COL4A5: variants seen among roughly 807,000 people sequenced by gnomAD.
COL4A5 encodes the protein collagen alpha-5(IV) chain.
A neutral mutation model predicts 130.2 loss-of-function variants in COL4A5; 26 were observed. The ratio of observed to expected loss-of-function variants is 0.20; its 90% CI spans 0.15 to 0.28. The LOEUF (loss-of-function observed/expected upper bound fraction) is 0.28, where lower values mean the gene tolerates loss of function less well. Among genes scored for constraint, COL4A5 ranks in the 10% least tolerant of loss-of-function variants. The pLI is 1.00. For missense variants in COL4A5, 1,131 were observed against 1,344.3 expected (o/e 0.84, Z 2.48); for synonymous variants, 496 against 439.6 (o/e 1.13, Z -1.60).
Position 108,668,301 on chromosome X carries a change from T to A in COL4A5, c.3605-18T>A, listed in dbSNP as rs1360798420. 3.3e-6 allele frequency: 4 copies of A among 1,195,631 alleles called. No homozygotes were observed. The African/African-American group carries it at 7.0e-5, about 21-fold the overall frequency. ...AACTCGGTATTATTTATCTTCTAATTATACTTTACTTTCATAGGCCAAAAG... is the reference window on the plus strand; with the variant it reads ...AACTCGGTATTATTTATCTTCTAATAATACTTTACTTTCATAGGCCAAAAG... On this transcript the variant is annotated intron_variant, in intron 40 of 52. Transcript: ENST00000328300.
At chrX:108,635,480 C>T (rs2067336295) in intron 36 of COL4A5, among the ~76,000 whole-genome samples, 1 of 111,229 alleles carries the variant, frequency 9.0e-6, no homozygotes, top group Admixed American at 9.6e-5. Flanking sequence ...TTGTTCTAAC[C>T]TTCATAACTC....
chrX:108,476,572 A>C (rs1603251524), intron 1 of COL4A5, among the ~76,000 whole-genome samples: 1 of 87,716 alleles, frequency 1.1e-5, no homozygotes, highest in African/African-American at 4.5e-5. Flanking sequence ...CCTCCTCCCT[A>C]CCACAACCTC....
intron 1 of COL4A5, among the ~76,000 whole-genome samples, chrX:108,466,222 ATTTG>A (rs1184715684): frequency 1.6e-4 from 18 of 110,934 alleles, no homozygotes; most frequent in African/African-American, 5.6e-4. Context: ...ATATATATGT[ATTTG>A]TTTGAGTACT....
At chrX:108,542,608 T>C (rs1278168935) in intron 2 of COL4A5, among the ~76,000 whole-genome samples, 1 of 108,715 alleles carries the variant, frequency 9.2e-6, no homozygotes, top group African/African-American at 3.6e-5. Context: ...TTTATAATCC[T>C]TTGGGTATAT....
At chrX:108,686,813 A>C (rs931437274) in intron 48 of COL4A5, among the ~76,000 whole-genome samples, 3 of 112,515 alleles carry the variant, frequency 2.7e-5, no homozygotes, top group African/African-American at 9.7e-5. Context: ...TTTGTATTTC[A>C]AATATCAGTG....
At chrX:108,637,481 C>G (rs1246457513) in intron 36 of COL4A5, among the ~76,000 whole-genome samples, 1 of 110,914 alleles carries the variant, frequency 9.0e-6, no homozygotes, top group Non-Finnish European at 1.9e-5. Context: ...CTAAAAAAAT[C>G]ATAGATGAAG....
intron 19 of COL4A5, among the ~76,000 whole-genome samples, chrX:108,588,567 A>T (rs2066374790): frequency 9.0e-6 from 1 of 110,789 alleles, no homozygotes; most frequent in Admixed American, 9.6e-5. Flanking sequence ...GAGGTCAAGG[A>T]GGAGAGAATG....
At chrX:108,525,512 C>T (rs763679206) in intron 1 of COL4A5, among the ~76,000 whole-genome samples, 7 of 110,570 alleles carry the variant, frequency 6.3e-5, no homozygotes, top group South Asian at 7.7e-4. Context: ...GATTTTTGTC[C>T]GTAATTTCAC....
chrX:108,556,793 T>C (rs1162441531), intron 2 of COL4A5, among the ~76,000 whole-genome samples: 1 of 111,097 alleles, frequency 9.0e-6, no homozygotes, highest in Non-Finnish European at 1.9e-5. Context: ...TTCTATAATT[T>C]CTACTTAGTA....
chrX:108,440,281 G>T (rs964713449), intron 1 of COL4A5, 75 bp downstream of exon 1: 2 of 697,384 alleles, frequency 2.9e-6, no homozygotes, highest in African/African-American at 4.4e-5. Flanking sequence ...TGGGGGGGGG[G>T]TCCCTTTATC....
At chrX:108,677,780 G>A in intron 44 of COL4A5, 147 bp downstream of exon 44, 1 of 707,052 alleles carries the variant, frequency 1.4e-6, no homozygotes, top group Non-Finnish European at 2.1e-6. Flanking sequence ...ACAGTAGAAG[G>A]CAAGTTTCCT....
intron 19 of COL4A5, among the ~76,000 whole-genome samples, chrX:108,587,628 A>G (rs754534766): frequency 1.8e-5 from 2 of 111,732 alleles, no homozygotes; most frequent in East Asian, 5.6e-4. Flanking sequence ...TCTTTTGAAT[A>G]TATACCCAGA....
Position 108,614,972 on chromosome X carries a change from T to A in COL4A5, c.2457T>A (p.Gly819=). 8.3e-7 allele frequency: 1 copy of A among 1,210,942 alleles called. No individual in the cohort carries two copies. The highest frequency in any genetic ancestry group is 1.1e-6 in the Non-Finnish European group (1 of 895,026). Residue 819 remains glycine, a synonymous_variant, in exon 30 of 53, where the codon GGT becomes GGA. Transcript: ENST00000328300. ...PMGPPGLPGI[G]VQGPPGPPGI... is the part of the protein sequence containing the mutation. ...GACCTCCTGGGCTGCCAGGAATAGGTGTTCAGGGACCACCAGGACCACCAG... is the reference window on the plus strand; with the variant it reads ...GACCTCCTGGGCTGCCAGGAATAGGAGTTCAGGGACCACCAGGACCACCAG...
intron 1 of COL4A5, among the ~76,000 whole-genome samples, chrX:108,450,066 G>C (rs1396678039): frequency 9.0e-6 from 1 of 111,537 alleles, no homozygotes. Flanking sequence ...ACCTCAGAGG[G>C]TCCTCAATGT....
Position 108,680,541 on chromosome X carries a change from A to C in COL4A5, c.3943-138A>C, listed in dbSNP as rs1158568747. ...AACTCAATTCACACAAGATAATATAAGGCAAAATTGAGATTACAGTCTTGG... is the reference window on the plus strand; with the variant it reads ...AACTCAATTCACACAAGATAATATACGGCAAAATTGAGATTACAGTCTTGG... On this transcript the variant is annotated intron_variant, in intron 44 of 52. Coordinates refer to ENST00000328300, the MANE Select transcript of COL4A5 (RefSeq NM_033380.3). 9.4e-6 allele frequency: 5 copies of C among 529,108 alleles called. No individual in the cohort carries two copies. The Middle Eastern group carries it at 2.2e-3, about 228-fold the overall frequency. The allele number at this position is 529,108 out of a possible 1,213,427, so 43.6% of individuals were successfully genotyped here.
intron 36 of COL4A5, chrX:108,626,860 G>A (rs2067163082): frequency 6.5e-6 from 5 of 769,711 alleles, no homozygotes; most frequent in South Asian, 6.1e-5. Context: ...TTTAGAATTT[G>A]TTTCAGAATC....
At chrX:108,645,103 T>C (rs751914517) in intron 36 of COL4A5, among the ~76,000 whole-genome samples, 184 of 110,129 alleles carry the variant, frequency 1.7e-3, no homozygotes, top group Non-Finnish European at 2.6e-3. Flanking sequence ...TAGCCCTAAA[T>C]GCCTACATCA....
chrX:108,563,988 A>G, intron 4 of COL4A5, 62 bp downstream of exon 4: 5 of 978,668 alleles, frequency 5.1e-6, no homozygotes, highest in Non-Finnish European at 2.9e-6. Flanking sequence ...GAACAAATGA[A>G]GTATTATGAG....
intron 1 of COL4A5, among the ~76,000 whole-genome samples, chrX:108,460,646 C>T (rs187891691): frequency 8.2e-5 from 8 of 97,166 alleles, no homozygotes; most frequent in East Asian, 6.2e-4. Flanking sequence ...CCTGCCACCA[C>T]GCCTGGCAAA....
Sources: allele counts gnomAD v4.1 joint callset (sites outside exome capture counted in the v4.1 genomes callset), GRCh38; gene constraint gnomAD v4.1.1; transcripts MANE v1.5; gene names NCBI Gene and HGNC (gene_info 2026-07-23, HGNC 2026-07-21).